MTPAP: variants seen among roughly 807,000 people sequenced by gnomAD.
The protein encoded by MTPAP is mitochondrial poly(A) polymerase.
MTPAP carries 23 observed loss-of-function variants against 48.7 expected under a neutral mutation model. That is an observed-to-expected ratio of 0.47 (90% confidence interval 0.34 to 0.67). The LOEUF is 0.67. MTPAP is among the 30% of genes least tolerant of loss of function. MTPAP has a pLI of 0.01. For synonymous variants in MTPAP, 257 were observed against 254.1 expected (o/e 1.01, Z -0.11); for missense variants, 614 against 694.3 (o/e 0.88, Z 1.30).
rs1329712014 is a variant in MTPAP at position 30,325,843 on chromosome 10, C to CT, written c.992+580dup. On this transcript the variant is annotated intron_variant, in intron 5 of 8. Coordinates refer to ENST00000263063, the MANE Select transcript of MTPAP (RefSeq NM_018109.4). The stretch of plus-strand genomic sequence containing the variant: ...GTACAAAAGAACTTTTCCCACCCCA[C>CT]TTTTTTAAGCAAACAAATCACTAGG... Among the ~76,000 whole-genome samples the CT allele has an allele frequency of 2.6e-5, 4 of 151,498 alleles. 2 individuals are homozygous for CT. The East Asian group carries it at 7.9e-4, about 30-fold the overall frequency.
At chr10:30,344,296 T>G (rs141766906) in intron 1 of MTPAP, among the ~76,000 whole-genome samples, 16 of 152,324 alleles carry the variant, frequency 1.1e-4, no homozygotes, top group African/African-American at 3.8e-4. Flanking sequence ...CTGGTTGGAA[T>G]GTCTACCTTC....
At position 30,310,786 on chromosome 10, in the gene MTPAP, T is replaced by A. The variant is rs1840582815; in HGVS notation, c.*2823A>T. 1 of 151,492 alleles carries A rather than the reference T, an allele frequency of 6.6e-6. No individual in the cohort carries two copies. The allele number at this position is 151,492 out of a possible 1,614,324, so 9.4% of individuals were successfully genotyped here. A position where few individuals can be genotyped will look rare whatever the true frequency, so the allele number is the denominator to read the frequency against. ...TGGTGGCAGGCGCCTGTAATCCCAG[T>A]TACTTGGGAGGCTGGGGCAGGAGTA... On this transcript the variant is annotated 3_prime_UTR_variant, in exon 9 of 9. Transcript: ENST00000263063.
intron 4 of MTPAP, among the ~76,000 whole-genome samples, chr10:30,331,599 C>G (rs982364540): frequency 2.6e-5 from 4 of 152,212 alleles, no homozygotes; most frequent in Non-Finnish European, 5.9e-5. Context: ...TTTAGTCTTG[C>G]TCTGTCGCCC....
intron 1 of MTPAP, among the ~76,000 whole-genome samples, chr10:30,346,480 CT>C (rs1377596675): frequency 1.3e-5 from 2 of 152,194 alleles, no homozygotes; most frequent in Non-Finnish European, 2.9e-5. Context: ...TGAGCACTGG[CT>C]TTAAACATAA....
At position 30,335,935 on chromosome 10, in the gene MTPAP, G is replaced by A. The variant is rs568202865; in HGVS notation, c.780+868C>T. ...GAGGCAGGAGAAATCACTTGAACCC[G>A]GGAGGTGGAGGTTGCAGTGAGCCGA... On this transcript the variant is annotated intron_variant, in intron 4 of 8. Coordinates refer to ENST00000263063, the MANE Select transcript of MTPAP (RefSeq NM_018109.4). Among the ~76,000 whole-genome samples, 6 of 152,218 alleles carry A rather than the reference G, an allele frequency of 3.9e-5. 1 individual carries two copies. Among genetic ancestry groups the A allele is most frequent in the African/African-American group, 1.4e-4 (6 of 41,530 alleles).
chr10:30,313,268 C>CA lies in MTPAP; in HGVS notation c.*340dup, dbSNP rs1840618916. 1 of 258,806 alleles carries CA rather than the reference C, an allele frequency of 3.9e-6. No individual in the cohort carries two copies. Among genetic ancestry groups the CA allele is most frequent in the South Asian group, 5.9e-5 (1 of 16,938 alleles). The allele number at this position is 258,806 out of a possible 1,614,324, so 16.0% of individuals were successfully genotyped here. On this transcript the variant is annotated 3_prime_UTR_variant, in exon 9 of 9. Coordinates refer to ENST00000263063, the MANE Select transcript of MTPAP (RefSeq NM_018109.4). Reference sequence around the variant, plus strand: ...ATTCCTTGTGGCTTATGTTTATTTTCATTTTTTTTAGAGATGGAATCTTGC... The same window carrying CA: ...ATTCCTTGTGGCTTATGTTTATTTTCAATTTTTTTTAGAGATGGAATCTTGC...
chr10:30,335,038 G>A (rs529942518), intron 4 of MTPAP, among the ~76,000 whole-genome samples: 1 of 152,190 alleles, frequency 6.6e-6, no homozygotes, highest in Non-Finnish European at 1.5e-5. Context: ...ACTTTTGTAA[G>A]AACTTAGAAA....
chr10:30,336,716 C>T (rs1432252325), intron 4 of MTPAP, 87 bp downstream of exon 4: 1 of 1,022,042 alleles, frequency 9.8e-7, no homozygotes, highest in East Asian at 2.4e-5. Flanking sequence ...TAGAAATCAA[C>T]AGTTCTATTT....
chr10:30,342,743 A>T (rs1047357508), intron 1 of MTPAP, among the ~76,000 whole-genome samples: 2 of 152,144 alleles, frequency 1.3e-5, no homozygotes, highest in Non-Finnish European at 2.9e-5. Flanking sequence ...AAGGGTCTTG[A>T]TCTGGCTCAA....
chr10:30,340,015 G>A (rs1834779873), intron 3 of MTPAP: 1 of 579,562 alleles, frequency 1.7e-6, no homozygotes, highest in South Asian at 2.0e-5. Flanking sequence ...TGAGCATGAC[G>A]ACATTCTTAG....
At chr10:30,329,602 G>T (rs1425127993) in intron 4 of MTPAP, among the ~76,000 whole-genome samples, 1 of 151,966 alleles carries the variant, frequency 6.6e-6, no homozygotes, top group Non-Finnish European at 1.5e-5. Flanking sequence ...CCATATTCCT[G>T]GCCCTGGGTT....
chr10:30,332,081 A>C (rs1365270182), intron 4 of MTPAP, among the ~76,000 whole-genome samples: 1 of 152,266 alleles, frequency 6.6e-6, no homozygotes, highest in Non-Finnish European at 1.5e-5. Flanking sequence ...AGAAGAGCTC[A>C]TGAATGCAGA....
At chr10:30,324,194 A>C (rs1464180285) in intron 5 of MTPAP, among the ~76,000 whole-genome samples, 1 of 144,004 alleles carries the variant, frequency 6.9e-6, no homozygotes, top group Non-Finnish European at 1.5e-5. Context: ...ACACACACAC[A>C]TATATATATA....
Position 30,335,597 on chromosome 10 carries a change from T to C in MTPAP, c.780+1206A>G, listed in dbSNP as rs192744540. On this transcript the variant is annotated intron_variant, in intron 4 of 8. Transcript: ENST00000263063. ...GAAGAGACACTGGTTAATTTTACCATTAGACATCGTGTTAAAGAGAACATA... is the reference window on the plus strand; with the variant it reads ...GAAGAGACACTGGTTAATTTTACCACTAGACATCGTGTTAAAGAGAACATA... Among the ~76,000 whole-genome samples, 29 of 152,204 alleles carry C rather than the reference T, an allele frequency of 1.9e-4. No individual in the cohort carries two copies. In the East Asian group the frequency reaches 5.0e-3, roughly 26 times the overall value.
chr10:30,334,968 G>T (rs1244330698), intron 4 of MTPAP, among the ~76,000 whole-genome samples: 2 of 152,126 alleles, frequency 1.3e-5, no homozygotes, highest in Non-Finnish European at 2.9e-5. Flanking sequence ...CTTAGAAGCA[G>T]AATTAAAAGA....
At chr10:30,344,932 G>A (rs1349612058) in intron 1 of MTPAP, among the ~76,000 whole-genome samples, 1 of 152,148 alleles carries the variant, frequency 6.6e-6, no homozygotes, top group Non-Finnish European at 1.5e-5. Flanking sequence ...TTGAACTCCT[G>A]ACCTCAGGTG....
intron 1 of MTPAP, among the ~76,000 whole-genome samples, chr10:30,347,601 A>G (rs2689211): frequency 0.96 from 145,856 of 152,354 alleles, 70,119 homozygotes; most frequent in Non-Finnish European, 1. Context: ...ATTAGAAGTG[A>G]GTTTTACTGG....
At chr10:30,337,099 T>A in intron 3 of MTPAP, 72 bp from the exon 4 acceptor site, 1 of 1,343,334 alleles carries the variant, frequency 7.4e-7, no homozygotes, top group Admixed American at 1.7e-5. Context: ...CATTTTACTT[T>A]CAAAGATTTG....
chr10:30,344,727 C>G (rs1286355676), intron 1 of MTPAP, among the ~76,000 whole-genome samples: 1 of 152,208 alleles, frequency 6.6e-6, no homozygotes, highest in Non-Finnish European at 1.5e-5. Flanking sequence ...ATTTTCCAGA[C>G]AGAGTCTCAC....
Sources: allele counts gnomAD v4.1 joint callset (sites outside exome capture counted in the v4.1 genomes callset), GRCh38; gene constraint gnomAD v4.1.1; transcripts MANE v1.5; gene names NCBI Gene and HGNC (gene_info 2026-07-23, HGNC 2026-07-21).